RNF214: variants seen among roughly 807,000 people sequenced by gnomAD.
RNF214 encodes the protein ring finger protein 214.
RNF214 carries 25 observed loss-of-function variants against 75.9 expected under a neutral mutation model. The observed-to-expected ratio is 0.33, with a 90% CI of 0.24 to 0.46. The LOEUF is 0.46. Ranked by LOEUF, RNF214 falls within the 20% of genes least tolerant of loss-of-function variation. RNF214 has a pLI of 1.00. For missense variants in RNF214, 725 were observed against 857.5 expected, an observed-to-expected ratio of 0.85 and a Z score of 1.93; for synonymous variants, 314 against 308.8, an observed-to-expected ratio of 1.02 and a Z score of -0.18.
Position 117,286,269 on chromosome 11 carries a change from T to G in RNF214, c.*1118T>G, listed in dbSNP as rs1246402936. The G allele has an allele frequency of 6.6e-6, 1 of 152,338 alleles. No homozygotes were observed. The highest frequency in any genetic ancestry group is 1.5e-5 in the Non-Finnish European group (1 of 68,048). The allele number at this position is 152,338 out of a possible 1,614,324, so 9.4% of individuals were successfully genotyped here. ...TCAAATTTATAAATCACTTGCTCTG[T>G]GGGTAGCTATCAGGAACTAGATCAT... On this transcript the variant is annotated 3_prime_UTR_variant, in exon 15 of 15. Transcript: ENST00000300650.
intron 2 of RNF214, among the ~76,000 whole-genome samples, chr11:117,237,668 A>C (rs2032947043): frequency 6.6e-6 from 1 of 152,178 alleles, no homozygotes; most frequent in Admixed American, 6.6e-5. Flanking sequence ...TCAAAAAATA[A>C]ATAAATAAAT....
rs935565071 is a variant in RNF214, at chr11:117,234,525, C to T, written c.107+146C>T. The T allele has an allele frequency of 1.0e-5, 6 of 579,976 alleles. No homozygotes were observed. In the Admixed American group the frequency reaches 1.3e-4, roughly 12 times the overall value. The allele number at this position is 579,976 out of a possible 1,614,324, so 35.9% of individuals were successfully genotyped here. On this transcript the variant is annotated intron_variant, in intron 2 of 14. Transcript: ENST00000300650. ...GACTGTCTGATCTATCTTTGTATTTCTGGTATCCAACACAGCACCTGATAC... is the reference window on the plus strand; with the variant it reads ...GACTGTCTGATCTATCTTTGTATTTTTGGTATCCAACACAGCACCTGATAC...
intron 2 of RNF214, among the ~76,000 whole-genome samples, chr11:117,236,342 C>T (rs2134351984): frequency 6.7e-6 from 1 of 149,778 alleles, no homozygotes; most frequent in African/African-American, 2.5e-5. Context: ...GGCGCGATTT[C>T]CGCTCACTGC....
intron 4 of RNF214, among the ~76,000 whole-genome samples, chr11:117,241,980 G>T (rs2033093148): frequency 6.6e-6 from 1 of 151,966 alleles, no homozygotes; most frequent in Admixed American, 6.6e-5. Flanking sequence ...ACTTATTTTG[G>T]CAGTTTTTTC....
intron 2 of RNF214, among the ~76,000 whole-genome samples, chr11:117,235,140 T>TAC (rs1207435758): frequency 2.0e-5 from 3 of 152,270 alleles, no homozygotes; most frequent in African/African-American, 7.2e-5. Flanking sequence ...ACATGTTCAG[T>TAC]ACAGATGCAA....
intron 2 of RNF214, among the ~76,000 whole-genome samples, chr11:117,238,326 G>C (rs2032968138): frequency 6.6e-6 from 1 of 152,304 alleles, no homozygotes; most frequent in Non-Finnish European, 1.5e-5. Context: ...GATTGCTTGA[G>C]CCAAGGATGT....
chr11:117,247,878 A>G (rs1439653517), intron 6 of RNF214, among the ~76,000 whole-genome samples: 1 of 149,884 alleles, frequency 6.7e-6, no homozygotes. Context: ...AAAACAAAAC[A>G]AAAAAAAACA....
intron 6 of RNF214, among the ~76,000 whole-genome samples, chr11:117,267,976 A>G (rs2033832447): frequency 6.6e-6 from 1 of 152,228 alleles, no homozygotes; most frequent in Non-Finnish European, 1.5e-5. Flanking sequence ...TGTGATGCAC[A>G]TCACAAATCC....
At chr11:117,275,869 C>G (rs775218302) in intron 6 of RNF214, among the ~76,000 whole-genome samples, 2 of 152,110 alleles carry the variant, frequency 1.3e-5, no homozygotes, top group South Asian at 2.1e-4. Flanking sequence ...AGGAAGGAAT[C>G]CTCTCTAACT....
At chr11:117,246,423 CAA>C (rs1357373089) in intron 5 of RNF214, among the ~76,000 whole-genome samples, 1 of 151,872 alleles carries the variant, frequency 6.6e-6, no homozygotes, top group East Asian at 1.9e-4. Flanking sequence ...CAAAATGAAA[CAA>C]GACAATATTT....
At chr11:117,279,291 G>A (rs1172549648) in intron 6 of RNF214, among the ~76,000 whole-genome samples, 2 of 150,382 alleles carry the variant, frequency 1.3e-5, no homozygotes, top group Admixed American at 1.3e-4. Context: ...TCCTGCTGTA[G>A]GTAACTTTAT....
At chr11:117,239,233 T>A in intron 3 of RNF214, 122 bp downstream of exon 3, 1 of 972,406 alleles carries the variant, frequency 1.0e-6, no homozygotes, top group Non-Finnish European at 1.5e-6. Flanking sequence ...TTTTTTTTGC[T>A]AGCAACCATC....
At chr11:117,233,667 C>G (rs544972764) in intron 1 of RNF214, among the ~76,000 whole-genome samples, 9 of 152,036 alleles carry the variant, frequency 5.9e-5, no homozygotes, top group African/African-American at 1.9e-4. Flanking sequence ...TTTTTTGCAC[C>G]ACTAGTCACT....
chr11:117,260,715 C>T (rs906096058), intron 6 of RNF214, among the ~76,000 whole-genome samples: 10 of 147,252 alleles, frequency 6.8e-5, no homozygotes, highest in Non-Finnish European at 1.2e-4. Flanking sequence ...GCAATAATGG[C>T]GCGATCTTGG....
At chr11:117,262,075 CT>C (rs559137886) in intron 6 of RNF214, among the ~76,000 whole-genome samples, 49 of 135,536 alleles carry the variant, frequency 3.6e-4, no homozygotes, top group Non-Finnish European at 4.1e-4. Flanking sequence ...TTTGGTTTTT[CT>C]TTTTTTTTTT....
chr11:117,236,100 A>G (rs771799114), intron 2 of RNF214, among the ~76,000 whole-genome samples: 2 of 151,316 alleles, frequency 1.3e-5, no homozygotes, highest in Non-Finnish European at 2.9e-5. Flanking sequence ...AGCTGGGATT[A>G]TAGGCACCTG....
Position 117,238,735 on chromosome 11 carries a change from C to G in RNF214, c.242C>G (p.Thr81Ser), listed in dbSNP as rs757165920. ...AATCCTGGTTCATCAGCAGGTGACA[C>G]CTCAGCAGCGCACCAGGTGGTTTTA... ...EQNPGSSAGD[T>S]SAAHQVVLGE... The change falls in exon 3 of 15, where the codon ACC becomes AGC. Residue 81 changes from threonine (T) to serine (S), a missense_variant. Physicochemically the swap from Thr to Ser is moderately conservative, Grantham distance 58. Around this residue, in one of 2 missense-constraint regions of RNF214, gnomAD observed 362 missense variants for 344.5 expected, o/e 1.05. Transcript: ENST00000300650. The G allele has an allele frequency of 6.2e-7, 1 of 1,614,168 alleles. No homozygotes were observed. Among genetic ancestry groups the G allele is most frequent in the Admixed American group, 1.7e-5 (1 of 60,018 alleles).
intron 3 of RNF214, 55 bp downstream of exon 3, chr11:117,239,166 G>A: frequency 6.7e-7 from 1 of 1,495,016 alleles, no homozygotes; most frequent in Non-Finnish European, 9.0e-7. Flanking sequence ...TGGGGTTCAG[G>A]GTGGGAGATA....
In RNF214 at chr11:117,239,847, T is replaced by C. The variant is rs765014573; in HGVS notation, c.665T>C (p.Ile222Thr). 4 of 1,547,992 alleles carry C rather than the reference T, an allele frequency of 2.6e-6. No homozygotes were observed. Among genetic ancestry groups the C allele is most frequent in the African/African-American group, 1.4e-5 (1 of 73,742 alleles). The change falls in exon 4 of 15, where the codon ATT (isoleucine) becomes ACT (threonine). Residue 222 changes from isoleucine (I) to threonine (T), a missense_variant. Coordinates refer to ENST00000300650, the MANE Select transcript of RNF214 (RefSeq NM_207343.4). ...TCAGAGGTAAACACAGATCAAGATA[T>C]TGAAAAGAATTTGGTAAGTATTTAA... ...ADSEVNTDQD[I>T]EKNLDKMMTE... is the part of the protein sequence containing the mutation.
Sources: allele counts gnomAD v4.1 joint callset (sites outside exome capture counted in the v4.1 genomes callset), GRCh38; gene constraint gnomAD v4.1.1; regional missense constraint gnomAD v4.1.1; transcripts MANE v1.5; gene names NCBI Gene and HGNC (gene_info 2026-07-23, HGNC 2026-07-21).